TMEM117: variants seen among roughly 807,000 people sequenced by gnomAD.
The protein encoded by TMEM117 is transmembrane protein 117.
In TMEM117, 27 loss-of-function variants were observed where a neutral mutation model predicts 52.4. That is an observed-to-expected ratio of 0.51 (90% CI 0.38 to 0.71). The LOEUF (loss-of-function observed/expected upper bound fraction) is 0.71. TMEM117 is among the 30% of genes least tolerant of loss of function. TMEM117 has a pLI of 0.00. For synonymous variants in TMEM117, 215 were observed against 206.3 expected, an observed-to-expected ratio of 1.04 and a Z score of -0.36; for missense variants, 556 against 630.5, an observed-to-expected ratio of 0.88 and a Z score of 1.26.
At chr12:43,974,589 G>A (rs1470789815) in intron 3 of TMEM117, among the ~76,000 whole-genome samples, 1 of 152,004 alleles carries the variant, frequency 6.6e-6, no homozygotes, top group Non-Finnish European at 1.5e-5. Flanking sequence ...TGGAATTTCT[G>A]TTTTAATTTC....
At chr12:44,393,683 G>A (rs924092295), downstream of TMEM117, among the ~76,000 whole-genome samples, 1 of 152,158 alleles carries the variant, frequency 6.6e-6, no homozygotes, top group Non-Finnish European at 1.5e-5. Context: ...CTGGGAAATG[G>A]TTGTAAAGCC....
chr12:44,357,372 C>T (rs1951664547), intron 6 of TMEM117, among the ~76,000 whole-genome samples: 1 of 152,058 alleles, frequency 6.6e-6, no homozygotes, highest in African/African-American at 2.4e-5. Context: ...CTCTTTGTGT[C>T]CCCAGAGCCT....
At chr12:44,271,831 G>T (rs117258542) in intron 5 of TMEM117, among the ~76,000 whole-genome samples, 2,637 of 151,934 alleles carry the variant, frequency 0.017, 28 homozygotes, top group Non-Finnish European at 0.026. Context: ...TTTCCAAACG[G>T]TATATATGAT....
chr12:44,170,567 G>T (rs1949031527), intron 4 of TMEM117, among the ~76,000 whole-genome samples: 1 of 152,014 alleles, frequency 6.6e-6, no homozygotes, highest in Admixed American at 6.6e-5. Flanking sequence ...TTTCTTTTCT[G>T]GATGAACTTT....
Position 43,844,844 on chromosome 12 carries a change from A to G in TMEM117, c.193A>G (p.Arg65Gly), listed in dbSNP as rs1049899312. 2.5e-6 allele frequency: 4 copies of G among 1,614,062 alleles called. No individual in the cohort carries two copies. The highest frequency in any genetic ancestry group is 1.7e-5 in the Admixed American group (1 of 59,994). The change falls in exon 2 of 8, where the codon AGG (arginine) becomes GGG (glycine). Residue 65 changes from arginine (R) to glycine (G), a missense_variant. This residue lies in a region of TMEM117 where 328 missense variants were observed against 371.4 expected (regional missense o/e 0.88). Coordinates refer to ENST00000266534, the MANE Select transcript of TMEM117 (RefSeq NM_032256.3). ...TAAATACCCTAGAGGAGTTGGCTGG[A>G]GGATTTTGAAGGTGCTTCTATGGCT... ...TNKYPRGVGW[R>G]ILKVLLWLLA...
chr12:43,827,663 A>G, the TMEM117 span, among the ~76,000 whole-genome samples: 1 of 152,206 alleles, frequency 6.6e-6, no homozygotes, highest in Non-Finnish European at 1.5e-5. Context: ...TGGTATAAGT[A>G]AAATTATGAC....
chr12:43,873,591 A>T (rs187261232), intron 2 of TMEM117, among the ~76,000 whole-genome samples: 50 of 152,182 alleles, frequency 3.3e-4, no homozygotes, highest in African/African-American at 1.1e-3. Context: ...AACATTCGTT[A>T]ATTTTATGTC....
At chr12:43,823,690 T>G in the TMEM117 span, among the ~76,000 whole-genome samples, 1 of 152,050 alleles carries the variant, frequency 6.6e-6, no homozygotes, top group Admixed American at 6.5e-5. Flanking sequence ...ATTTTTGTAT[T>G]TTTAGTAGAG....
chr12:43,844,660 A>T lies in TMEM117; in HGVS notation c.9A>T (p.Lys3Asn). The change falls in exon 2 of 8, where the codon AAA becomes AAT. Residue 3 changes from lysine to asparagine, a missense_variant. By Grantham distance (94) the Lys-to-Asn change is moderately conservative. Coordinates refer to ENST00000266534, the MANE Select transcript of TMEM117 (RefSeq NM_032256.3). MGKDFRYYFQHPW... is the reference protein window; with the variant it reads MGNDFRYYFQHPW... ...ACTGGGAGTTCTGAAGAATGGGTAA[A>T]GACTTTCGTTACTATTTCCAGCATC... The T allele has an allele frequency of 6.2e-7, 1 of 1,613,420 alleles. No individual in the cohort carries two copies. The highest frequency in any genetic ancestry group is 8.5e-7 in the Non-Finnish European group (1 of 1,179,796).
At chr12:44,044,592 A>G (rs1203470946) in intron 3 of TMEM117, among the ~76,000 whole-genome samples, 14 of 152,170 alleles carry the variant, frequency 9.2e-5, no homozygotes, top group Admixed American at 1.3e-4. Flanking sequence ...CACTCCTGCC[A>G]CCCTGCCTTC....
At chr12:44,345,879 G>A (rs1464465421) in intron 6 of TMEM117, among the ~76,000 whole-genome samples, 11 of 152,134 alleles carry the variant, frequency 7.2e-5, no homozygotes, top group African/African-American at 2.6e-4. Context: ...ATTATAATTA[G>A]GCACAGTGTA....
intron 3 of TMEM117, among the ~76,000 whole-genome samples, chr12:44,072,599 AGGGAG>A (rs991985971): frequency 1.3e-5 from 2 of 152,202 alleles, no homozygotes; most frequent in African/African-American, 4.8e-5. Flanking sequence ...TGTTTCAAAT[AGGGAG>A]CTCAGTCTGG....
chr12:44,356,856 T>C (rs1306965071), intron 6 of TMEM117, among the ~76,000 whole-genome samples: 1 of 152,146 alleles, frequency 6.6e-6, no homozygotes, highest in African/African-American at 2.4e-5. Flanking sequence ...CTCTCCCCAC[T>C]GTAGTCAATA....
At chr12:44,125,359 G>A (rs899338726) in intron 3 of TMEM117, among the ~76,000 whole-genome samples, 21 of 152,178 alleles carry the variant, frequency 1.4e-4, no homozygotes, top group Admixed American at 1.2e-3. Context: ...TGCCCGCCTC[G>A]GCCTCCCAAA....
intron 4 of TMEM117, among the ~76,000 whole-genome samples, chr12:44,201,379 A>G (rs750114834): frequency 2.0e-5 from 3 of 152,200 alleles, no homozygotes; most frequent in African/African-American, 4.8e-5. Flanking sequence ...AAACCAGCAT[A>G]TACATAATTG....
chr12:44,164,054 G>T (rs1260258120), intron 4 of TMEM117, among the ~76,000 whole-genome samples: 1 of 152,082 alleles, frequency 6.6e-6, no homozygotes, highest in African/African-American at 2.4e-5. Context: ...GTGGGATTGG[G>T]ATTGGACAAA....
chr12:44,202,890 G>A (rs141615251), intron 4 of TMEM117, among the ~76,000 whole-genome samples: 3 of 152,000 alleles, frequency 2.0e-5, no homozygotes, highest in African/African-American at 7.2e-5. Context: ...CAGGGTTCAA[G>A]CAATTCTCCT....
intron 4 of TMEM117, among the ~76,000 whole-genome samples, chr12:44,169,772 A>G (rs574272808): frequency 6.6e-6 from 1 of 152,250 alleles, no homozygotes; most frequent in Admixed American, 6.5e-5. Flanking sequence ...TAGAATGGCG[A>G]TCATTAAAAA....
rs186567154 is a variant in TMEM117, at chr12:44,331,074, T to C, written c.768+31335T>C. 4.4e-3 allele frequency among the ~76,000 whole-genome samples: 668 copies of C among 152,114 alleles called. 3 individuals carry two copies. Among genetic ancestry groups the C allele is most frequent in the Middle Eastern group, 0.02 (6 of 294 alleles). On this transcript the variant is annotated intron_variant, in intron 6 of 7. Transcript: ENST00000266534. ...GTAAACAAAGTGTAGAATCACAACA[T>C]TTATGATTTGGTCAATTTCTGTGTG...
Sources: gnomAD v4.1 joint callset for allele counts (sites outside exome capture counted in the v4.1 genomes callset) on GRCh38, gnomAD v4.1.1 for gene constraint, gnomAD v4.1.1 regional missense constraint, MANE v1.5 for transcripts, NCBI Gene and HGNC (gene_info 2026-07-23, HGNC 2026-07-21) for gene names.